The following KLHL29 variants were observed in gnomAD, a reference collection of about 807,000 sequenced individuals.
KLHL29 encodes the protein kelch-like protein 29.
In KLHL29, 21 loss-of-function variants were observed where a neutral mutation model predicts 80.4. The observed-to-expected ratio is 0.26, with a 90% CI of 0.19 to 0.38. The LOEUF (loss-of-function observed/expected upper bound fraction) is 0.38. Among genes scored for constraint, KLHL29 ranks in the 10% least tolerant of loss-of-function variants. KLHL29 has a pLI of 1.00. For missense variants in KLHL29, 867 were observed against 1,223.9 expected, an observed-to-expected ratio of 0.71 and a Z score of 4.35; for synonymous variants, 511 against 526.8, an observed-to-expected ratio of 0.97 and a Z score of 0.41.
chr2:23,434,741 TG>T (rs945681327), intron 1 of KLHL29, among the ~76,000 whole-genome samples: 1 of 152,196 alleles, frequency 6.6e-6, no homozygotes, highest in Non-Finnish European at 1.5e-5. Flanking sequence ...TCATCCATAA[TG>T]GGGCGAGGCT....
chr2:23,414,850 C>G (rs1666947869), intron 1 of KLHL29, among the ~76,000 whole-genome samples: 1 of 152,238 alleles, frequency 6.6e-6, no homozygotes, highest in Non-Finnish European at 1.5e-5. Context: ...TGTCCTTATT[C>G]TGAGACTGTG....
At chr2:23,575,249 G>A (rs991524910) in intron 3 of KLHL29, among the ~76,000 whole-genome samples, 1 of 152,208 alleles carries the variant, frequency 6.6e-6, no homozygotes, top group Non-Finnish European at 1.5e-5. Context: ...CCCAGAGAGC[G>A]GAGCCGAAGG....
chr2:23,544,519 G>T (rs1374114776), intron 2 of KLHL29, among the ~76,000 whole-genome samples: 1 of 152,224 alleles, frequency 6.6e-6, no homozygotes, highest in African/African-American at 2.4e-5. Context: ...GTGTTTAGAA[G>T]CACTGCCCTT....
rs1479351993 is a variant in KLHL29, at chr2:23,700,621, A to G, written c.2106-2565A>G. Among the ~76,000 whole-genome samples, 1 of 152,232 alleles carries G rather than the reference A, an allele frequency of 6.6e-6. No individual in the cohort carries two copies. The highest frequency in any genetic ancestry group is 6.5e-5 in the Admixed American group (1 of 15,292). ...GAGAGCTGGCTGTTAAACATTCATC[A>G]GCATTCCATTGACCCCTCTCAGCTC... On this transcript the variant is annotated intron_variant, in intron 11 of 13. Coordinates refer to ENST00000486442, the MANE Select transcript of KLHL29 (RefSeq NM_052920.2). The surrounding 1 kb of genome is among the most constrained non-coding windows in gnomAD (Gnocchi z 4.6).
At chr2:23,555,776 C>T (rs920714725) in intron 2 of KLHL29, among the ~76,000 whole-genome samples, 2 of 152,150 alleles carry the variant, frequency 1.3e-5, no homozygotes, top group South Asian at 2.1e-4. Context: ...CTGGCAGGGC[C>T]GGGGATGCTG....
Position 23,466,521 on chromosome 2 carries a change from G to A in KLHL29, c.-153-9039G>A, listed in dbSNP as rs142667606. On this transcript the variant is annotated intron_variant, in intron 1 of 13. Transcript: ENST00000486442. ...AAGAAGCAGATGGCTAAATATGACC[G>A]TGGGAGAGAAGCAGTGAATGGTGTA... Among the ~76,000 whole-genome samples the A allele has an allele frequency of 1.8e-3, 278 of 152,324 alleles. 2 individuals carry two copies. The highest frequency in any genetic ancestry group is 6.2e-3 in the African/African-American group (259 of 41,558).
chr2:23,554,430 C>T (rs1558385966), intron 2 of KLHL29, among the ~76,000 whole-genome samples: 1 of 152,200 alleles, frequency 6.6e-6, no homozygotes, highest in East Asian at 1.9e-4. Context: ...CTGGAGACAG[C>T]GCGGGTCCCC....
At chr2:23,579,925 C>T (rs1420287953) in intron 3 of KLHL29, among the ~76,000 whole-genome samples, 1 of 152,210 alleles carries the variant, frequency 6.6e-6, no homozygotes, top group Non-Finnish European at 1.5e-5. Context: ...CTGCGCCAGG[C>T]AGAACACAAA....
chr2:23,436,671 G>A (rs555957783), intron 1 of KLHL29, among the ~76,000 whole-genome samples: 18 of 152,250 alleles, frequency 1.2e-4, no homozygotes, highest in Admixed American at 4.6e-4. Context: ...GGTCAAGTTA[G>A]TTACGTGGGG....
intron 2 of KLHL29, among the ~76,000 whole-genome samples, chr2:23,486,830 C>T (rs1664942908): frequency 6.6e-6 from 1 of 152,164 alleles, no homozygotes; most frequent in Non-Finnish European, 1.5e-5. Context: ...CCCTCCTTCA[C>T]CACTCCTGAC....
At chr2:23,432,409 C>T (rs969470750) in intron 1 of KLHL29, among the ~76,000 whole-genome samples, 2 of 152,178 alleles carry the variant, frequency 1.3e-5, no homozygotes, top group Non-Finnish European at 2.9e-5. Context: ...AATGGGGAAG[C>T]TTTCTATTCA....
intron 2 of KLHL29, among the ~76,000 whole-genome samples, chr2:23,488,915 G>A (rs1225545658): frequency 1.3e-5 from 2 of 152,164 alleles, no homozygotes; most frequent in Non-Finnish European, 2.9e-5. Context: ...CTGTATTAAG[G>A]GTCTTGCTTT....
chr2:23,562,747 T>G lies in KLHL29; in HGVS notation c.285+266T>G, dbSNP rs1205351304. On this transcript the variant is annotated intron_variant, in intron 3 of 13. Coordinates refer to ENST00000486442, the MANE Select transcript of KLHL29 (RefSeq NM_052920.2). The surrounding 1 kb of genome is among the most constrained non-coding windows in gnomAD (Gnocchi z 4.5). ...ACTCATTGTCCTATGCCATGTTGAT[T>G]AGATGCTATTAATGAGTGAAGTAAC... Among the ~76,000 whole-genome samples, 1 of 152,182 alleles carries G rather than the reference T, an allele frequency of 6.6e-6. No individual in the cohort carries two copies. The highest frequency in any genetic ancestry group is 6.5e-5 in the Admixed American group (1 of 15,278).
At chr2:23,474,915 T>C (rs1296787070) in intron 1 of KLHL29, among the ~76,000 whole-genome samples, 2 of 152,034 alleles carry the variant, frequency 1.3e-5, no homozygotes, top group African/African-American at 4.8e-5. Flanking sequence ...TGAAGATGGC[T>C]TTCTCATAGA....
At chr2:23,499,666 C>G (rs1325593087) in intron 2 of KLHL29, among the ~76,000 whole-genome samples, 3 of 152,222 alleles carry the variant, frequency 2.0e-5, no homozygotes, top group African/African-American at 7.2e-5. Context: ...CTTGGGCACA[C>G]AGAGACAGCA....
At chr2:23,456,146 C>T (rs1664043888) in intron 1 of KLHL29, among the ~76,000 whole-genome samples, 3 of 152,202 alleles carry the variant, frequency 2.0e-5, no homozygotes, top group African/African-American at 7.2e-5. Flanking sequence ...TTTGTTATGG[C>T]AGCCCTAGCA....
intron 1 of KLHL29, among the ~76,000 whole-genome samples, chr2:23,443,945 G>A (rs1663603569): frequency 6.6e-6 from 1 of 152,206 alleles, no homozygotes; most frequent in Non-Finnish European, 1.5e-5. Context: ...CCTTATGTGA[G>A]GTAGCAGGGG....
chr2:23,430,630 T>C (rs188619635), intron 1 of KLHL29, among the ~76,000 whole-genome samples: 2 of 152,282 alleles, frequency 1.3e-5, no homozygotes, highest in Admixed American at 1.3e-4. Flanking sequence ...ATCTGACCCA[T>C]TCTTCAAGGC....
intron 3 of KLHL29, among the ~76,000 whole-genome samples, chr2:23,625,868 G>A (rs1669296254): frequency 6.6e-6 from 1 of 152,184 alleles, no homozygotes; most frequent in African/African-American, 2.4e-5. Context: ...ATGAACAAGA[G>A]ACACCAGAGC....
Sources: gnomAD v4.1 joint callset for allele counts (sites outside exome capture counted in the v4.1 genomes callset) on GRCh38, gnomAD v4.1.1 for gene constraint, Gnocchi (gnomAD v3.1) non-coding constraint, MANE v1.5 for transcripts, NCBI Gene and HGNC (gene_info 2026-07-23, HGNC 2026-07-21) for gene names.